XXYLT1: variants seen among roughly 807,000 people sequenced by gnomAD.
XXYLT1 encodes the protein UDP-xylose:alpha-xyloside alpha-1,3-xylosyltransferase.
Under a neutral mutation model 28.9 loss-of-function variants are expected in XXYLT1, and 20 were observed. The observed-to-expected ratio is 0.69, with a 90% CI of 0.49 to 1.00. The LOEUF (loss-of-function observed/expected upper bound fraction) is 1.00, where lower values mean the gene tolerates loss of function less well. Among genes scored for constraint, XXYLT1 ranks in the 50% least tolerant of loss-of-function variants. The probability of loss-of-function intolerance (pLI) is 0.00; values close to 1 mark genes in which losing one functional copy is unlikely to be tolerated. For missense variants in XXYLT1, 542 were observed against 560.1 expected (o/e 0.97, Z 0.33); for synonymous variants, 257 against 253.8 (o/e 1.01, Z -0.12).
At chr3:195,241,126 C>T (rs1225695384) in intron 1 of XXYLT1, among the ~76,000 whole-genome samples, 2 of 152,190 alleles carry the variant, frequency 1.3e-5, no homozygotes, top group Admixed American at 6.5e-5. Flanking sequence ...AGAAGCAGGG[C>T]GGGTCTTTCA....
chr3:195,105,628 C>T (rs898345990), intron 3 of XXYLT1, among the ~76,000 whole-genome samples: 1 of 152,214 alleles, frequency 6.6e-6, no homozygotes, highest in African/African-American at 2.4e-5. Context: ...CAACAGAGTC[C>T]ATCCCTGAAT....
chr3:195,174,981 G>C (rs1414917860), intron 2 of XXYLT1, among the ~76,000 whole-genome samples: 1 of 152,092 alleles, frequency 6.6e-6, no homozygotes, highest in Non-Finnish European at 1.5e-5. Flanking sequence ...AGCTCCATGA[G>C]GGCTTGGATT....
Position 195,257,119 on chromosome 3 carries a change from G to A in XXYLT1, c.504+13436C>T, listed in dbSNP as rs185459587. The stretch of plus-strand genomic sequence containing the variant: ...TTACAAGCTTGAGGCCTCTGTAAGC[G>A]GCCAAGGACGCCATGTCCCGCAAGT... On this transcript the variant is annotated intron_variant, in intron 1 of 3. Coordinates refer to ENST00000310380, the MANE Select transcript of XXYLT1 (RefSeq NM_152531.5). This position sits in a 1 kb window ranked among gnomAD's most constrained non-coding sequence, Gnocchi z 4.3. Among the ~76,000 whole-genome samples the A allele has an allele frequency of 1.2e-3, 185 of 152,310 alleles. No individual in the cohort carries two copies. Among genetic ancestry groups the A allele is most frequent in the African/African-American group, 4.2e-3 (173 of 41,568 alleles).
intron 3 of XXYLT1, among the ~76,000 whole-genome samples, chr3:195,107,529 G>GAGGAAGGAGGAAGGGGAAGA (rs1717177931): frequency 1.9e-4 from 2 of 10,718 alleles, no homozygotes; most frequent in Admixed American, 1.0e-3. Flanking sequence ...GAGGAGGAAG[G>GAGGAAGGAGGAAGGGGAAGA]AGGAGGAGGG....
Position 195,240,745 on chromosome 3 carries a change from C to T in XXYLT1, c.505-13889G>A, listed in dbSNP as rs1577186168. The stretch of plus-strand genomic sequence containing the variant: ...GGAAGGTGGTGGCACAAAGCTCAGG[C>T]ACACTCTACCCAAGTCCAGCAATCC... On this transcript the variant is annotated intron_variant, in intron 1 of 3. Transcript: ENST00000310380. The surrounding 1 kb of genome is among the most constrained non-coding windows in gnomAD (Gnocchi z 4.7). Among the ~76,000 whole-genome samples the T allele has an allele frequency of 1.3e-5, 2 of 152,218 alleles. No individual in the cohort carries two copies. Among genetic ancestry groups the T allele is most frequent in the Non-Finnish European group, 2.9e-5 (2 of 68,042 alleles).
intron 3 of XXYLT1, chr3:195,095,421 A>G (rs1474689857): frequency 6.5e-6 from 1 of 153,922 alleles, no homozygotes; most frequent in Non-Finnish European, 1.5e-5. Flanking sequence ...ACCATCTGGG[A>G]CTGGGGCCAG....
intron 2 of XXYLT1, among the ~76,000 whole-genome samples, chr3:195,215,766 G>C (rs1271257011): frequency 6.6e-6 from 1 of 152,276 alleles, no homozygotes; most frequent in Middle Eastern, 3.4e-3. Context: ...AGATCAAAGA[G>C]ACAGAAAGTC....
chr3:195,241,868 CA>C (rs1724791998), intron 1 of XXYLT1, among the ~76,000 whole-genome samples: 1 of 152,076 alleles, frequency 6.6e-6, no homozygotes. Flanking sequence ...CACATGTACC[CA>C]TCAGTCCTGG....
At chr3:195,071,870 C>T (rs139995135) in intron 3 of XXYLT1, among the ~76,000 whole-genome samples, 8 of 152,186 alleles carry the variant, frequency 5.3e-5, no homozygotes, top group African/African-American at 1.4e-4. Flanking sequence ...ATTTACCCTT[C>T]GAGGGGTGGG....
chr3:195,153,486 C>G (rs973850018), intron 3 of XXYLT1, among the ~76,000 whole-genome samples: 3 of 152,206 alleles, frequency 2.0e-5, no homozygotes, highest in African/African-American at 7.2e-5. Context: ...GTATAAGTCT[C>G]TGTTGATTTT....
rs924920882 is a variant in XXYLT1, at chr3:195,243,228, G to T, written c.505-16372C>A. Among the ~76,000 whole-genome samples the T allele has an allele frequency of 7.2e-5, 11 of 152,010 alleles. No individual in the cohort carries two copies. In the South Asian group the frequency reaches 1.0e-3, roughly 14 times the overall value. ...CCTGTCGTGGGGTGGGGGGAAGGGG[G>T]AAGGATAGCATTAGGAGATACACGT... On this transcript the variant is annotated intron_variant, in intron 1 of 3. Transcript: ENST00000310380.
chr3:195,095,452 T>C (rs1355112668), intron 3 of XXYLT1: 1 of 153,828 alleles, frequency 6.5e-6, no homozygotes, highest in Non-Finnish European at 1.5e-5. Flanking sequence ...GTGCCCCATA[T>C]GGTCAGGGAA....
At chr3:195,156,377 C>G in intron 3 of XXYLT1, 72 bp downstream of exon 3, 3 of 1,572,558 alleles carry the variant, frequency 1.9e-6, no homozygotes, top group South Asian at 2.3e-5. Context: ...CAATCTGTCA[C>G]GGCTGGCAGA....
At chr3:195,090,461 G>C (rs1283814155) in intron 3 of XXYLT1, among the ~76,000 whole-genome samples, 1 of 149,718 alleles carries the variant, frequency 6.7e-6, no homozygotes, top group Non-Finnish European at 1.5e-5. Flanking sequence ...CAGAAATAAA[G>C]ATGTTCTTTG....
intron 3 of XXYLT1, among the ~76,000 whole-genome samples, chr3:195,113,376 C>T (rs1358859928): frequency 1.3e-5 from 2 of 152,108 alleles, no homozygotes; most frequent in African/African-American, 2.4e-5. Flanking sequence ...ACACTTACTA[C>T]GAGGCAGGCA....
At chr3:195,244,793 A>G (rs1035567679) in intron 1 of XXYLT1, among the ~76,000 whole-genome samples, 4 of 143,612 alleles carry the variant, frequency 2.8e-5, no homozygotes, top group African/African-American at 1.0e-4. Context: ...AACATGTTTC[A>G]TTTAAAAATT....
rs1422040401 is a variant in XXYLT1, at chr3:195,068,622, C to T, written c.*1093G>A. On this transcript the variant is annotated 3_prime_UTR_variant, in exon 4 of 4. Transcript: ENST00000310380. ...TTTTGAGATGGACGTCTCACTCTGT[C>T]GTCCAGGCTGGAGTGCAGTGGTGTG... 3 of 145,582 alleles carry T rather than the reference C, an allele frequency of 2.1e-5. No homozygotes were observed. The highest frequency in any genetic ancestry group is 4.2e-4 in the East Asian group (2 of 4,766). 9.0% of individuals were successfully genotyped at this position (145,582 alleles called of 1,614,324 possible).
intron 2 of XXYLT1, among the ~76,000 whole-genome samples, chr3:195,159,507 G>A (rs1405629353): frequency 1.3e-5 from 2 of 152,192 alleles, no homozygotes; most frequent in Non-Finnish European, 2.9e-5. Flanking sequence ...ACCAAAGGGT[G>A]TGCTCAGGAC....
At chr3:195,146,570 G>A (rs546616065) in intron 3 of XXYLT1, among the ~76,000 whole-genome samples, 9 of 152,322 alleles carry the variant, frequency 5.9e-5, no homozygotes, top group African/African-American at 2.2e-4. Context: ...CGGGCACAGA[G>A]TTTGGTCTAT....
Sources: gnomAD v4.1 joint callset for allele counts (sites outside exome capture counted in the v4.1 genomes callset) on GRCh38, gnomAD v4.1.1 for gene constraint, Gnocchi (gnomAD v3.1) non-coding constraint, MANE v1.5 for transcripts, NCBI Gene and HGNC (gene_info 2026-07-23, HGNC 2026-07-21) for gene names.